CAMKK2: variants seen among roughly 807,000 people sequenced by gnomAD.
CAMKK2 encodes the protein calcium/calmodulin-dependent protein kinase kinase 2.
A neutral mutation model predicts 67.2 loss-of-function variants in CAMKK2; 30 were observed. That is an observed-to-expected ratio of 0.45 (90% CI 0.33 to 0.61). CAMKK2 has a LOEUF of 0.61. CAMKK2 is among the 20% of genes least tolerant of loss of function. CAMKK2 has a pLI of 0.02. For missense variants in CAMKK2, 643 were observed against 802.0 expected, an observed-to-expected ratio of 0.80 and a Z score of 2.39; for synonymous variants, 322 against 326.2, an observed-to-expected ratio of 0.99 and a Z score of 0.14.
upstream of CAMKK2, chr12:121,297,675 C>A (rs1566166005): frequency 3.9e-6 from 2 of 518,002 alleles, no homozygotes; most frequent in Non-Finnish European, 7.7e-6. Context: ...TCTCACTGAC[C>A]CTGCCAAACA....
In CAMKK2 at chr12:121,260,311, T is replaced by C. The variant is rs1253177709; in HGVS notation, c.796+8A>G. 3.1e-6 allele frequency: 5 copies of C among 1,603,488 alleles called. No individual in the cohort carries two copies. Among genetic ancestry groups the C allele is most frequent in the Non-Finnish European group, 4.2e-6 (5 of 1,176,480 alleles). ...GGTGAGGGTGGCAGAAGAAAAGGGC[T>C]TCCTTACCCATGTACAGATGGTCCT... On this transcript the variant is annotated splice_region_variant and intron_variant, in intron 7 of 16. Transcript: ENST00000404169.
At position 121,267,731 on chromosome 12, in the gene CAMKK2, T is replaced by C. The variant is rs1482847395; in HGVS notation, c.625+907A>G. 5.9e-5 allele frequency among the ~76,000 whole-genome samples: 9 copies of C among 151,938 alleles called. No homozygotes were observed. In the South Asian group the frequency reaches 1.7e-3, roughly 28 times the overall value. ...CTGGTCTTGAACTCCTGACCTCAAG[T>C]GATCCACTCGCCTCGGCCTCCCAGA... is the stretch of plus-strand genomic sequence containing the variant. On this transcript the variant is annotated intron_variant, in intron 5 of 16. Transcript: ENST00000404169.
At chr12:121,279,817 C>G (rs1435847069) in intron 1 of CAMKK2, among the ~76,000 whole-genome samples, 1 of 152,216 alleles carries the variant, frequency 6.6e-6, no homozygotes, top group East Asian at 1.9e-4. Context: ...ACCCGGGACC[C>G]GGGCCAGGAT....
Position 121,269,573 on chromosome 12 carries a change from A to G in CAMKK2, c.528T>C (p.Tyr176=). 6.2e-7 allele frequency: 1 copy of G among 1,607,292 alleles called. No homozygotes were observed. The highest frequency in any genetic ancestry group is 1.1e-5 in the South Asian group (1 of 89,752). ...TLKDEIGKGS[Y]GVVKLAYNEN... is the part of the protein sequence containing the mutation. Reference sequence around the variant, plus strand: ...CATTGTAGGCCAACTTGACGACACCATAGGAGCCCTGGATAAAGGGAGATG... The same window carrying G: ...CATTGTAGGCCAACTTGACGACACCGTAGGAGCCCTGGATAAAGGGAGATG... The change falls in exon 4 of 17, where the codon TAT becomes TAC. Residue 176 remains tyrosine, a synonymous_variant. Transcript: ENST00000404169.
At chr12:121,260,187 G>A (rs768215520) in intron 7 of CAMKK2, 132 bp downstream of exon 7, 67 of 737,682 alleles carry the variant, frequency 9.1e-5, no homozygotes, top group Non-Finnish European at 1.3e-4. Flanking sequence ...CTCCGGTGGG[G>A]CCAGCTGGAC....
At position 121,248,677 on chromosome 12, in the gene CAMKK2, A is replaced by T. The variant is rs751093762; in HGVS notation, c.1381T>A (p.Cys461Ser). The change falls in exon 14 of 17, where the codon TGC becomes AGC. Residue 461 changes from cysteine (C) to serine (S), a missense_variant. Physicochemically the swap from Cys to Ser is moderately radical, Grantham distance 112. Transcript: ENST00000404169. ...AEPLPSEDENCTLVEVTEEEV... is the reference protein window; with the variant it reads ...AEPLPSEDENSTLVEVTEEEV... ...TCTTCAGTCACTTCGACCAGCGTGC[A>T]GTTCTCATCCTCCGACGGCAACGGC... 1 of 1,614,194 alleles carries T rather than the reference A, an allele frequency of 6.2e-7. No individual in the cohort carries two copies. Among genetic ancestry groups the T allele is most frequent in the Non-Finnish European group, 8.5e-7 (1 of 1,180,022 alleles).
intron 1 of CAMKK2, among the ~76,000 whole-genome samples, chr12:121,275,161 C>T (rs893799179): frequency 4.0e-5 from 6 of 150,876 alleles, no homozygotes; most frequent in Non-Finnish European, 8.8e-5. Context: ...GTTTGCCTGA[C>T]TTTTTATTTT....
rs575749388 is a variant in CAMKK2, at chr12:121,248,424, C to G, written c.1452+182G>C. ...TCCTATGGTAACATGGAACCTGGCT[C>G]AGAAGATGCAGGGGTCACCTGGCCT... On this transcript the variant is annotated intron_variant, in intron 14 of 16. Transcript: ENST00000404169. Among the ~76,000 whole-genome samples, 9 of 152,328 alleles carry G rather than the reference C, an allele frequency of 5.9e-5. No individual in the cohort carries two copies. The East Asian group carries it at 1.7e-3, about 29-fold the overall frequency.
intron 6 of CAMKK2, among the ~76,000 whole-genome samples, chr12:121,261,477 C>T (rs949704915): frequency 6.6e-6 from 1 of 152,174 alleles, no homozygotes; most frequent in African/African-American, 2.4e-5. Context: ...CTAGACTAGT[C>T]CCCCTGATTC....
intron 1 of CAMKK2, among the ~76,000 whole-genome samples, chr12:121,276,866 C>A (rs1438834416): frequency 8.2e-6 from 1 of 121,608 alleles, no homozygotes; most frequent in East Asian, 2.3e-4. Context: ...AGCCTGCCAA[C>A]AGAGGGAGAC....
At chr12:121,286,570 G>T (rs1898776883) in intron 1 of CAMKK2, among the ~76,000 whole-genome samples, 1 of 152,142 alleles carries the variant, frequency 6.6e-6, no homozygotes, top group South Asian at 2.1e-4. Context: ...TTGAGGCAGG[G>T]TCTCACTCTG....
intron 11 of CAMKK2, among the ~76,000 whole-genome samples, chr12:121,250,478 TC>T (rs1471314886): frequency 6.6e-6 from 1 of 152,162 alleles, no homozygotes; most frequent in Non-Finnish European, 1.5e-5. Context: ...CATTCACTGT[TC>T]CCCGTCCCTG....
chr12:121,246,667 C>T (rs527418292), intron 14 of CAMKK2, among the ~76,000 whole-genome samples: 78 of 152,288 alleles, frequency 5.1e-4, no homozygotes, highest in African/African-American at 1.5e-3. Flanking sequence ...GGTGAGCCCA[C>T]CCTGCCGCCT....
In CAMKK2 at chr12:121,245,647, T is replaced by C. The variant is rs1302099878; in HGVS notation, c.1453-407A>G. ...AGCAAGGACGTGAACCAGTCATTCT[T>C]GGTGATGCTCTTGGCTGCCATTTCC... On this transcript the variant is annotated intron_variant, in intron 14 of 16. Transcript: ENST00000404169. This position sits in a 1 kb window ranked among gnomAD's most constrained non-coding sequence, Gnocchi z 5.8. 6.6e-6 allele frequency among the ~76,000 whole-genome samples: 1 copy of C among 152,176 alleles called. No individual in the cohort carries two copies. Among genetic ancestry groups the C allele is most frequent in the Non-Finnish European group, 1.5e-5 (1 of 68,022 alleles).
intron 1 of CAMKK2, among the ~76,000 whole-genome samples, chr12:121,283,812 CGCTA>C (rs1448048703): frequency 6.8e-6 from 1 of 147,330 alleles, no homozygotes; most frequent in African/African-American, 2.5e-5. Context: ...GAGATCCTTT[CGCTA>C]AATAAATAAA....
intron 5 of CAMKK2, among the ~76,000 whole-genome samples, chr12:121,264,606 C>A (rs570954449): frequency 4.6e-4 from 70 of 152,086 alleles, no homozygotes; most frequent in Middle Eastern, 6.8e-3. Context: ...AACACTGTCT[C>A]GACTAAAAAT....
chr12:121,263,198 G>A (rs969513897), intron 6 of CAMKK2, among the ~76,000 whole-genome samples: 4 of 152,194 alleles, frequency 2.6e-5, no homozygotes, highest in Non-Finnish European at 4.4e-5. Flanking sequence ...GAGAACGGCT[G>A]ATCTAGAGCA....
At chr12:121,297,586 C>T (rs1322457335), upstream of CAMKK2, 1 of 516,520 alleles carries the variant, frequency 1.9e-6, no homozygotes. Flanking sequence ...TGGATAACAG[C>T]ACTGTGCGGG....
Position 121,240,392 on chromosome 12 carries a change from A to G in CAMKK2, c.*307T>C. On this transcript the variant is annotated 3_prime_UTR_variant, in exon 17 of 17. Coordinates refer to ENST00000404169, the MANE Select transcript of CAMKK2 (RefSeq NM_001270485.2). This position sits in a 1 kb window ranked among gnomAD's most constrained non-coding sequence, Gnocchi z 4.4. ...ATCTGACGTGGTTCTGAAAATCACA[A>G]TGAAGGATTTTTGGCATAAAAACGT... 1 of 1,476,080 alleles carries G rather than the reference A, an allele frequency of 6.8e-7. No homozygotes were observed. The highest frequency in any genetic ancestry group is 9.1e-7 in the Non-Finnish European group (1 of 1,100,534). 91.4% of individuals were successfully genotyped at this position (1,476,080 alleles called of 1,614,324 possible).
Sources: allele counts gnomAD v4.1 joint callset (sites outside exome capture counted in the v4.1 genomes callset), GRCh38; gene constraint gnomAD v4.1.1; non-coding constraint Gnocchi (gnomAD v3.1); transcripts MANE v1.5; gene names NCBI Gene and HGNC (gene_info 2026-07-23, HGNC 2026-07-21).